KLHL29: variants seen among roughly 807,000 people sequenced by gnomAD.
The protein encoded by KLHL29 is kelch-like protein 29.
Under a neutral mutation model 80.4 loss-of-function variants are expected in KLHL29, and 21 were observed. The observed-to-expected ratio is 0.26, with a 90% CI of 0.19 to 0.38. The LOEUF (loss-of-function observed/expected upper bound fraction) is 0.38, where lower values mean the gene tolerates loss of function less well. Among genes scored for constraint, KLHL29 ranks in the 10% least tolerant of loss-of-function variants. The pLI is 1.00. For missense variants in KLHL29, 867 were observed against 1,223.9 expected, an observed-to-expected ratio of 0.71 and a Z score of 4.35; for synonymous variants, 511 against 526.8, an observed-to-expected ratio of 0.97 and a Z score of 0.41.
chr2:23,678,068 T>C (rs55987381), intron 5 of KLHL29, among the ~76,000 whole-genome samples: 24,297 of 152,232 alleles, frequency 0.16, 2,039 homozygotes, highest in Middle Eastern at 0.24. Flanking sequence ...TACCATCTCA[T>C]ACAGCCCTTA....
At chr2:23,467,893 C>T (rs1179450045) in intron 1 of KLHL29, among the ~76,000 whole-genome samples, 1 of 151,876 alleles carries the variant, frequency 6.6e-6, no homozygotes, top group Admixed American at 6.6e-5. Flanking sequence ...CTGAGGAAGA[C>T]CCCTCTTCAT....
chr2:23,430,116 G>T (rs575162420), intron 1 of KLHL29, among the ~76,000 whole-genome samples: 4 of 152,124 alleles, frequency 2.6e-5, no homozygotes, highest in Non-Finnish European at 5.9e-5. Context: ...CAGTGCAGTG[G>T]TTATCAAATT....
chr2:23,543,903 G>T (rs55785228), intron 2 of KLHL29, among the ~76,000 whole-genome samples: 8 of 152,254 alleles, frequency 5.3e-5, no homozygotes, highest in African/African-American at 1.9e-4. Flanking sequence ...TGCCCACCCC[G>T]GGCTGGTGAT....
rs1181300468 is a variant in KLHL29 at position 23,669,873 on chromosome 2, C to T, written c.941-14526C>T. Among the ~76,000 whole-genome samples, 1 of 152,160 alleles carries T rather than the reference C, an allele frequency of 6.6e-6. No individual in the cohort carries two copies. Among genetic ancestry groups the T allele is most frequent in the Non-Finnish European group, 1.5e-5 (1 of 68,032 alleles). On this transcript the variant is annotated intron_variant, in intron 5 of 13. Coordinates refer to ENST00000486442, the MANE Select transcript of KLHL29 (RefSeq NM_052920.2). The surrounding 1 kb of genome is among the most constrained non-coding windows in gnomAD (Gnocchi z 4.3). The stretch of plus-strand genomic sequence containing the variant: ...TAAAAACAGGGCCGTGGTATTATCA[C>T]AGAATCTGGTAGGTTCTGCTTCCAA...
intron 1 of KLHL29, among the ~76,000 whole-genome samples, chr2:23,408,541 A>G (rs1379722693): frequency 6.6e-6 from 1 of 152,176 alleles, no homozygotes; most frequent in African/African-American, 2.4e-5. Context: ...TATGTTACAT[A>G]TACATAGAGT....
At chr2:23,650,151 C>T (rs1016151757) in intron 5 of KLHL29, among the ~76,000 whole-genome samples, 1 of 152,166 alleles carries the variant, frequency 6.6e-6, no homozygotes, top group African/African-American at 2.4e-5. Flanking sequence ...TGCAAGTCTG[C>T]CCTGGGGGAG....
intron 2 of KLHL29, among the ~76,000 whole-genome samples, chr2:23,539,527 C>T (rs577284394): frequency 4.7e-4 from 71 of 151,066 alleles, no homozygotes; most frequent in African/African-American, 1.7e-3. Flanking sequence ...CTGTAACCTC[C>T]GCCTCCCAGG....
chr2:23,517,085 A>AG (rs533974628), intron 2 of KLHL29, among the ~76,000 whole-genome samples: 352 of 152,276 alleles, frequency 2.3e-3, no homozygotes, highest in Non-Finnish European at 3.6e-3. Flanking sequence ...AAGTCCAGGG[A>AG]GAGGTTTCGT....
At chr2:23,405,783 A>G (rs540720136) in intron 1 of KLHL29, among the ~76,000 whole-genome samples, 3 of 152,334 alleles carry the variant, frequency 2.0e-5, no homozygotes, top group African/African-American at 7.2e-5. Flanking sequence ...CCAGGAGTCA[A>G]GGCTTTACTT....
intron 2 of KLHL29, among the ~76,000 whole-genome samples, chr2:23,558,025 C>T (rs1010828): frequency 0.15 from 23,287 of 151,976 alleles, 2,632 homozygotes; most frequent in African/African-American, 0.3. Flanking sequence ...CCATGACGAG[C>T]GAAGGGAACT....
intron 1 of KLHL29, among the ~76,000 whole-genome samples, chr2:23,441,768 T>C (rs1572515768): frequency 6.6e-6 from 1 of 152,282 alleles, no homozygotes; most frequent in East Asian, 1.9e-4. Flanking sequence ...GGCCTCTCCA[T>C]GTGGTTACGT....
At chr2:23,482,103 C>A (rs1480167686) in intron 2 of KLHL29, among the ~76,000 whole-genome samples, 1 of 152,144 alleles carries the variant, frequency 6.6e-6, no homozygotes, top group Non-Finnish European at 1.5e-5. Context: ...AGATTGTCAA[C>A]AAAAGGCTGG....
chr2:23,672,481 G>T (rs1248028072), intron 5 of KLHL29: 1 of 152,462 alleles, frequency 6.6e-6, no homozygotes, highest in South Asian at 2.1e-4. Context: ...TATGTGTCTG[G>T]TTCTCCACTG....
chr2:23,414,721 C>A (rs1351873166), intron 1 of KLHL29, among the ~76,000 whole-genome samples: 1 of 152,184 alleles, frequency 6.6e-6, no homozygotes, highest in Non-Finnish European at 1.5e-5. Context: ...CATAGCATAG[C>A]CCCAAATGCC....
intron 1 of KLHL29, among the ~76,000 whole-genome samples, chr2:23,418,585 A>G (rs1193409030): frequency 2.6e-5 from 4 of 152,220 alleles, no homozygotes; most frequent in Non-Finnish European, 5.9e-5. Context: ...TTGCTGACAC[A>G]GGAATTTTCT....
intron 1 of KLHL29, among the ~76,000 whole-genome samples, chr2:23,404,174 T>C (rs1278961847): frequency 6.6e-6 from 1 of 152,168 alleles, no homozygotes; most frequent in Non-Finnish European, 1.5e-5. Flanking sequence ...TACAAGCTCA[T>C]CTTACATAAT....
intron 3 of KLHL29, among the ~76,000 whole-genome samples, chr2:23,612,766 A>C (rs576008200): frequency 1.6e-4 from 24 of 152,304 alleles, no homozygotes; most frequent in African/African-American, 5.3e-4. Context: ...AAGGAAAGAA[A>C]GCCTGCACTG....
chr2:23,488,764 A>T (rs576956285), intron 2 of KLHL29, among the ~76,000 whole-genome samples: 2 of 152,310 alleles, frequency 1.3e-5, no homozygotes, highest in Admixed American at 1.3e-4. Context: ...ATGGGCCACA[A>T]GTGGGCCACA....
intron 3 of KLHL29, among the ~76,000 whole-genome samples, chr2:23,625,885 C>T (rs866964160): frequency 6.6e-5 from 10 of 152,160 alleles, no homozygotes; most frequent in Admixed American, 2.0e-4. Context: ...GAGCTCACTG[C>T]CTGGTGAGGA....
Sources: allele counts gnomAD v4.1 joint callset (sites outside exome capture counted in the v4.1 genomes callset), GRCh38; gene constraint gnomAD v4.1.1; non-coding constraint Gnocchi (gnomAD v3.1); transcripts MANE v1.5; gene names NCBI Gene and HGNC (gene_info 2026-07-23, HGNC 2026-07-21).